The following HMCN1 variants were observed in gnomAD, a reference collection of about 807,000 sequenced individuals.
HMCN1 encodes the protein hemicentin 1, also known as hemicentin-1.
Under a neutral mutation model 625.9 loss-of-function variants are expected in HMCN1, and 321 were observed. The observed-to-expected ratio is 0.51, with a 90% CI of 0.47 to 0.56. HMCN1 has a LOEUF of 0.56. HMCN1 is among the 20% of genes least tolerant of loss of function. The pLI is 0.00. For missense variants in HMCN1, 6,588 were observed against 6,887.3 expected, an observed-to-expected ratio of 0.96 and a Z score of 1.54; for synonymous variants, 2,425 against 2,417.6, an observed-to-expected ratio of 1.00 and a Z score of -0.09.
intron 1 of HMCN1, among the ~76,000 whole-genome samples, chr1:185,785,006 T>A (rs1170619360): frequency 1.3e-5 from 2 of 152,250 alleles, no homozygotes; most frequent in South Asian, 4.1e-4. Flanking sequence ...ATGTTTTGCA[T>A]GTAACAATTT....
intron 15 of HMCN1, among the ~76,000 whole-genome samples, chr1:185,975,534 C>T (rs941551362): frequency 6.6e-6 from 1 of 152,146 alleles, no homozygotes; most frequent in African/African-American, 2.4e-5. Context: ...TCCCACCAGG[C>T]CCCTCCTCCA....
chr1:186,111,476 C>T (rs2102465452), intron 71 of HMCN1, among the ~76,000 whole-genome samples: 1 of 152,032 alleles, frequency 6.6e-6, no homozygotes, highest in East Asian at 1.9e-4. Context: ...GAGCAAGACC[C>T]CACCTGAATT....
intron 11 of HMCN1, among the ~76,000 whole-genome samples, chr1:185,949,842 T>C (rs1176289090): frequency 1.3e-5 from 2 of 151,730 alleles, no homozygotes; most frequent in African/African-American, 2.4e-5. Flanking sequence ...TGGAGCTTGA[T>C]GTGTAGGGAA....
At chr1:186,037,877 A>G (rs1213228983) in intron 36 of HMCN1, 57 bp from the exon 37 acceptor site, 1 of 1,050,430 alleles carries the variant, frequency 9.5e-7, no homozygotes, top group East Asian at 2.4e-5. Flanking sequence ...TGAGCAAACA[A>G]TTTCAGCTTA....
intron 64 of HMCN1, among the ~76,000 whole-genome samples, chr1:186,092,689 A>G (rs1011580670): frequency 2.0e-5 from 3 of 152,042 alleles, no homozygotes; most frequent in African/African-American, 4.8e-5. Context: ...CACATATGAT[A>G]CCAAATTGTT....
intron 97 of HMCN1, among the ~76,000 whole-genome samples, chr1:186,159,499 G>C (rs1340788112): frequency 6.6e-6 from 1 of 152,152 alleles, no homozygotes; most frequent in Admixed American, 6.5e-5. Flanking sequence ...TCTTGTGCCA[G>C]TTTTCAAAGG....
At chr1:185,787,473 AG>A (rs1263584466) in intron 1 of HMCN1, among the ~76,000 whole-genome samples, 1 of 152,200 alleles carries the variant, frequency 6.6e-6, no homozygotes, top group East Asian at 1.9e-4. Context: ...TGGCATGCTA[AG>A]AGTGCAAAAT....
At chr1:185,758,125 G>A (rs537023010) in intron 1 of HMCN1, among the ~76,000 whole-genome samples, 4 of 152,292 alleles carry the variant, frequency 2.6e-5, no homozygotes, top group Admixed American at 2.0e-4. Flanking sequence ...CATTTGGACT[G>A]TTGGCGGATA....
intron 11 of HMCN1, among the ~76,000 whole-genome samples, chr1:185,960,169 T>G (rs888751104): frequency 2.7e-5 from 4 of 147,702 alleles, no homozygotes; most frequent in African/African-American, 1.0e-4. Flanking sequence ...GCTCTTGTTC[T>G]CCAGGCTGGA....
intron 37 of HMCN1, among the ~76,000 whole-genome samples, chr1:186,038,320 A>G (rs922835656): frequency 3.3e-5 from 5 of 152,190 alleles, no homozygotes; most frequent in Admixed American, 2.0e-4. Context: ...GTTTATATCC[A>G]TCTATGCTGA....
intron 2 of HMCN1, among the ~76,000 whole-genome samples, chr1:185,856,250 A>G (rs1158417493): frequency 6.6e-6 from 1 of 152,038 alleles, no homozygotes; most frequent in Non-Finnish European, 1.5e-5. Context: ...GCACTTTGGG[A>G]GGTTGAGGTG....
intron 34 of HMCN1, among the ~76,000 whole-genome samples, 155 bp downstream of exon 34, chr1:186,018,507 A>G (rs1654513295): frequency 6.6e-6 from 1 of 152,080 alleles, no homozygotes; most frequent in African/African-American, 2.4e-5. Flanking sequence ...CAGAATTTTT[A>G]GTTACTTTAT....
At chr1:185,794,936 A>T (rs1247592455) in intron 1 of HMCN1, among the ~76,000 whole-genome samples, 2 of 152,200 alleles carry the variant, frequency 1.3e-5, no homozygotes, top group Non-Finnish European at 2.9e-5. Flanking sequence ...TTTAGATTAG[A>T]ACTTTAACTT....
chr1:186,120,291 C>G, intron 80 of HMCN1, 146 bp downstream of exon 80: 2 of 939,210 alleles, frequency 2.1e-6, no homozygotes, highest in Non-Finnish European at 3.2e-6. Flanking sequence ...GTTTTTCTAT[C>G]ACTTTTATGA....
At chr1:185,874,527 T>A (rs1001617777) in intron 4 of HMCN1, among the ~76,000 whole-genome samples, 1 of 151,978 alleles carries the variant, frequency 6.6e-6, no homozygotes, top group African/African-American at 2.4e-5. Flanking sequence ...AAAAGCAAAA[T>A]CTTTTGAGAG....
intron 71 of HMCN1, among the ~76,000 whole-genome samples, chr1:186,110,977 C>CTTTTTGTTT (rs1660848196): frequency 1.6e-5 from 1 of 61,648 alleles, no homozygotes; most frequent in Non-Finnish European, 2.7e-5. Context: ...AGAGAAAATT[C>CTTTTTGTTT]TTTTTTTTTT....
rs1206984060 is a variant in HMCN1 at position 185,982,266 on chromosome 1, T to C, written c.2667T>C (p.Ala889=). ...CTGTGCTCTCTCTTGATTTAGTTGC[T>C]CCACTTATTGGAATCAGCCCTTCAG... is the stretch of plus-strand genomic sequence containing the variant. ...ETTVTVTGLV[A]PLIGISPSVA... Residue 889 remains alanine, a synonymous_variant, in exon 18 of 107, where the codon GCT becomes GCC. Transcript: ENST00000271588. The C allele has an allele frequency of 6.2e-7, 1 of 1,613,880 alleles. No homozygotes were observed. Among genetic ancestry groups the C allele is most frequent in the Admixed American group, 1.7e-5 (1 of 60,006 alleles).
chr1:185,816,051 T>G (rs114557012), intron 1 of HMCN1, among the ~76,000 whole-genome samples: 2,901 of 147,076 alleles, frequency 0.02, 386 homozygotes, highest in African/African-American at 0.073. Flanking sequence ...TAGGCAAAAA[T>G]TGGGACCAGT....
chr1:185,906,118 A>G (rs1666083691), intron 4 of HMCN1, among the ~76,000 whole-genome samples: 1 of 151,744 alleles, frequency 6.6e-6, no homozygotes, highest in South Asian at 2.1e-4. Context: ...ATAGTTAGAC[A>G]ATTACAGATT....
Sources: allele counts gnomAD v4.1 joint callset (sites outside exome capture counted in the v4.1 genomes callset), GRCh38; gene constraint gnomAD v4.1.1; transcripts MANE v1.5; gene names NCBI Gene and HGNC (gene_info 2026-07-23, HGNC 2026-07-21).